The following CCDC192 variants were observed in gnomAD, a reference collection of about 807,000 sequenced individuals.
CCDC192 encodes coiled-coil domain containing 192.
chr5:127,796,132 GTA>G (rs1379925524), intron 3 of CCDC192, among the ~76,000 whole-genome samples: 1 of 152,210 alleles, frequency 6.6e-6, no homozygotes. Context: ...TGTGCTCACA[GTA>G]TATATGATAT....
intron 6 of CCDC192, among the ~76,000 whole-genome samples, chr5:127,908,132 T>TAC (rs1040249083): frequency 6.6e-6 from 1 of 152,212 alleles, no homozygotes. Flanking sequence ...TCTCGTCTTA[T>TAC]ACACACACAG....
chr5:127,820,196 T>G (rs965675907), intron 5 of CCDC192, among the ~76,000 whole-genome samples: 11 of 152,260 alleles, frequency 7.2e-5, no homozygotes, highest in African/African-American at 2.7e-4. Flanking sequence ...AGGTTATTCT[T>G]TAAAACAATT....
intron 5 of CCDC192, among the ~76,000 whole-genome samples, chr5:127,810,061 T>C (rs1303984810): frequency 6.6e-6 from 1 of 152,236 alleles, no homozygotes; most frequent in Non-Finnish European, 1.5e-5. Context: ...AGGCCAGGAA[T>C]AAGTGAAGGA....
At chr5:127,872,824 G>A (rs1751917381) in intron 5 of CCDC192, among the ~76,000 whole-genome samples, 1 of 152,090 alleles carries the variant, frequency 6.6e-6, no homozygotes, top group Non-Finnish European at 1.5e-5. Context: ...TGACTGCCCT[G>A]TATGCTGTAA....
chr5:127,851,850 C>T (rs1426462933), intron 5 of CCDC192, among the ~76,000 whole-genome samples: 1 of 152,196 alleles, frequency 6.6e-6, no homozygotes, highest in African/African-American at 2.4e-5. Context: ...AAATGACTTA[C>T]ATTGAGCCCA....
At chr5:127,844,917 G>A (rs953257768) in intron 5 of CCDC192, among the ~76,000 whole-genome samples, 5 of 152,294 alleles carry the variant, frequency 3.3e-5, no homozygotes, top group East Asian at 1.9e-4. Context: ...CCATTTCAGC[G>A]GAATTGACTT....
intron 2 of CCDC192, among the ~76,000 whole-genome samples, chr5:127,726,933 C>T (rs917549625): frequency 6.6e-5 from 10 of 152,208 alleles, no homozygotes; most frequent in African/African-American, 2.4e-4. Context: ...TGATCCCATG[C>T]CTCCTGACTG....
intron 3 of CCDC192, among the ~76,000 whole-genome samples, chr5:127,777,410 G>A (rs1259348236): frequency 6.6e-6 from 1 of 152,210 alleles, no homozygotes; most frequent in East Asian, 1.9e-4. Context: ...TATCTAGGAA[G>A]TAACTAACTT....
chr5:127,930,100 G>C (rs1334182626), intron 6 of CCDC192, among the ~76,000 whole-genome samples: 1 of 152,188 alleles, frequency 6.6e-6, no homozygotes. Flanking sequence ...CTACTCTGGA[G>C]GCTGATGCAG....
At chr5:127,846,770 A>G (rs1394277648) in intron 5 of CCDC192, among the ~76,000 whole-genome samples, 1 of 141,784 alleles carries the variant, frequency 7.1e-6, no homozygotes, top group African/African-American at 2.7e-5. Context: ...GCGCTTGGCC[A>G]TAGTGCCTAT....
At chr5:127,812,245 C>T (rs1028119991) in intron 5 of CCDC192, among the ~76,000 whole-genome samples, 6 of 152,224 alleles carry the variant, frequency 3.9e-5, no homozygotes, top group African/African-American at 7.2e-5. Flanking sequence ...AACCAGCATA[C>T]ATTTCCATGT....
At chr5:127,780,892 C>A (rs1051059117) in intron 3 of CCDC192, among the ~76,000 whole-genome samples, 1 of 152,120 alleles carries the variant, frequency 6.6e-6, no homozygotes, top group African/African-American at 2.4e-5. Context: ...TCATGAAATC[C>A]TTGCCTAGGC....
At chr5:127,797,719 T>C (rs1273266710) in intron 4 of CCDC192, among the ~76,000 whole-genome samples, 1 of 142,662 alleles carries the variant, frequency 7.0e-6, no homozygotes, top group African/African-American at 2.6e-5. Flanking sequence ...ATGGATATGA[T>C]TTCATGTGAA....
chr5:127,770,248 C>T (rs1308430779), intron 3 of CCDC192, among the ~76,000 whole-genome samples: 1 of 152,190 alleles, frequency 6.6e-6, no homozygotes, highest in Non-Finnish European at 1.5e-5. Context: ...CCAAACCTAG[C>T]TCAGTTATCT....
intron 5 of CCDC192, among the ~76,000 whole-genome samples, chr5:127,818,777 G>A (rs570954897): frequency 6.6e-6 from 1 of 152,168 alleles, no homozygotes; most frequent in Non-Finnish European, 1.5e-5. Context: ...CAAAGGCAAG[G>A]AGAGTTGAAA....
At chr5:127,736,538 G>A (rs967597063) in intron 2 of CCDC192, among the ~76,000 whole-genome samples, 5 of 151,904 alleles carry the variant, frequency 3.3e-5, no homozygotes, top group South Asian at 4.1e-4. Context: ...GGTAGAATTC[G>A]GCTGTGAATC....
At chr5:127,853,784 A>C (rs1750917630) in intron 5 of CCDC192, among the ~76,000 whole-genome samples, 1 of 152,120 alleles carries the variant, frequency 6.6e-6, no homozygotes, top group Non-Finnish European at 1.5e-5. Context: ...AAAAGCAAAC[A>C]AACAAACAAA....
chr5:127,927,936 TC>T (rs1705735075), intron 6 of CCDC192, among the ~76,000 whole-genome samples: 1 of 147,086 alleles, frequency 6.8e-6, no homozygotes, highest in Non-Finnish European at 1.5e-5. Flanking sequence ...ATCTTATAGT[TC>T]TTTTTTTTTT....
chr5:127,785,119 G>A lies in CCDC192; in HGVS notation c.223-11984G>A, dbSNP rs146695424. ...TGTGTTGTACTGAAGCAGGATTGCC[G>A]TCTGGAATGTGGATGCCTGCAAAGT... On this transcript the variant is annotated intron_variant, in intron 3 of 6. Transcript: ENST00000514853. 2.8e-4 allele frequency: 146 copies of A among 520,142 alleles called. 1 individual carries two copies. In the East Asian group the frequency reaches 3.9e-3, roughly 14 times the overall value. 32.2% of individuals were successfully genotyped at this position (520,142 alleles called of 1,614,324 possible).
Sources: gnomAD v4.1 joint callset for allele counts (sites outside exome capture counted in the v4.1 genomes callset) on GRCh38, gnomAD v4.1.1 for gene constraint, MANE v1.5 for transcripts, NCBI Gene and HGNC (gene_info 2026-07-23, HGNC 2026-07-21) for gene names.